The following DSCAML1 variants were observed in gnomAD, a reference collection of about 807,000 sequenced individuals.
The protein encoded by DSCAML1 is DS cell adhesion molecule like 1, also known as cell adhesion molecule DSCAML1.
A neutral mutation model predicts 200.5 loss-of-function variants in DSCAML1; 38 were observed. That is an observed-to-expected ratio of 0.19 (90% CI 0.15 to 0.25). The LOEUF is 0.25. Among genes scored for constraint, DSCAML1 ranks in the 10% least tolerant of loss-of-function variants. DSCAML1 has a pLI of 1.00. For missense variants in DSCAML1, 2,223 were observed against 2,858.8 expected, an observed-to-expected ratio of 0.78 and a Z score of 5.07; for synonymous variants, 1,215 against 1,165.0, an observed-to-expected ratio of 1.04 and a Z score of -0.87.
chr11:117,490,025 A>G lies in DSCAML1; in HGVS notation c.2360-7863T>C, dbSNP rs75807230. ...GAGCCTTGCTGGGCCACTGGGGCTC[A>G]GGAAGCTGCCTTATAACCATGCGGA... is the stretch of plus-strand genomic sequence containing the variant. On this transcript the variant is annotated intron_variant, in intron 11 of 32. Coordinates refer to ENST00000651296, the MANE Select transcript of DSCAML1 (RefSeq NM_020693.4). Among the ~76,000 whole-genome samples, 923 of 152,336 alleles carry G rather than the reference A, an allele frequency of 6.1e-3. 10 individuals carry two copies. Among genetic ancestry groups the G allele is most frequent in the African/African-American group, 0.02 (821 of 41,576 alleles).
chr11:117,528,940 C>T (rs574294990), intron 4 of DSCAML1, among the ~76,000 whole-genome samples: 7 of 151,594 alleles, frequency 4.6e-5, no homozygotes, highest in South Asian at 2.1e-4. Context: ...CCGCCCCCCC[C>T]CTTGGGAATG....
At chr11:117,686,319 T>G (rs2053400276) in intron 3 of DSCAML1, among the ~76,000 whole-genome samples, 1 of 152,228 alleles carries the variant, frequency 6.6e-6, no homozygotes, top group Non-Finnish European at 1.5e-5. Context: ...CTGTTGAGTC[T>G]CAGGTGGGAT....
At chr11:117,716,028 T>C (rs2053946328) in intron 3 of DSCAML1, among the ~76,000 whole-genome samples, 1 of 152,222 alleles carries the variant, frequency 6.6e-6, no homozygotes, top group African/African-American at 2.4e-5. Context: ...CCAGCAGCAT[T>C]AGCAGCGATT....
chr11:117,545,232 A>C (rs1049371356), intron 3 of DSCAML1, among the ~76,000 whole-genome samples: 18 of 149,310 alleles, frequency 1.2e-4, no homozygotes, highest in South Asian at 6.4e-4. Context: ...TCCGTAAAAA[A>C]AAACACACAC....
intron 3 of DSCAML1, among the ~76,000 whole-genome samples, chr11:117,604,347 T>G (rs1056546419): frequency 6.6e-6 from 1 of 151,598 alleles, no homozygotes; most frequent in Non-Finnish European, 1.5e-5. Flanking sequence ...TCATGTTTTC[T>G]GAGATGATTG....
chr11:117,646,843 G>C (rs2052531066), intron 3 of DSCAML1, among the ~76,000 whole-genome samples: 1 of 149,172 alleles, frequency 6.7e-6, no homozygotes, highest in South Asian at 2.1e-4. Context: ...AGGTCTCCTA[G>C]AGAGAGAGAG....
intron 14 of DSCAML1, among the ~76,000 whole-genome samples, chr11:117,477,549 A>G (rs2048823106): frequency 6.6e-6 from 1 of 152,132 alleles, no homozygotes; most frequent in African/African-American, 2.4e-5. Flanking sequence ...ACTGACAGAC[A>G]CATATATTTC....
intron 3 of DSCAML1, among the ~76,000 whole-genome samples, chr11:117,648,208 G>T (rs1385606426): frequency 1.3e-5 from 2 of 152,176 alleles, no homozygotes. Flanking sequence ...AAGCAGACCT[G>T]GTTTTTCTGC....
chr11:117,457,757 T>G (rs1011959309), intron 19 of DSCAML1, among the ~76,000 whole-genome samples: 23 of 151,968 alleles, frequency 1.5e-4, no homozygotes, highest in Admixed American at 4.6e-4. Context: ...CCCAGCCGAG[T>G]CGTTCCTTTT....
intron 3 of DSCAML1, among the ~76,000 whole-genome samples, chr11:117,607,369 G>A (rs1172908639): frequency 1.3e-5 from 2 of 149,408 alleles, no homozygotes; most frequent in Non-Finnish European, 3.0e-5. Flanking sequence ...CTATGTGTAG[G>A]TCTAGTGTTC....
chr11:117,733,178 A>G (rs555686916), intron 3 of DSCAML1, among the ~76,000 whole-genome samples: 16 of 152,126 alleles, frequency 1.1e-4, no homozygotes, highest in Non-Finnish European at 1.6e-4. Flanking sequence ...GTGGCCCTGC[A>G]CATCCCGGAA....
chr11:117,810,280 G>T (rs978095336), intron 1 of DSCAML1, among the ~76,000 whole-genome samples: 1 of 152,140 alleles, frequency 6.6e-6, no homozygotes, highest in African/African-American at 2.4e-5. Flanking sequence ...CCCTCTGGGG[G>T]AGGGGCAAGT....
intron 3 of DSCAML1, among the ~76,000 whole-genome samples, chr11:117,586,560 C>T (rs898063185): frequency 5.9e-5 from 9 of 152,174 alleles, no homozygotes; most frequent in African/African-American, 2.2e-4. Context: ...CTCAAGTTAT[C>T]CAGTTCCTCC....
At chr11:117,630,346 C>T (rs55989633) in intron 3 of DSCAML1, among the ~76,000 whole-genome samples, 97 of 152,264 alleles carry the variant, frequency 6.4e-4, no homozygotes, top group Non-Finnish European at 1.0e-3. Context: ...GTGGGCCCAA[C>T]ACACACAACA....
chr11:117,473,938 A>G (rs1023215817), intron 14 of DSCAML1, among the ~76,000 whole-genome samples: 9 of 152,088 alleles, frequency 5.9e-5, no homozygotes, highest in African/African-American at 1.9e-4. Context: ...TCTCTGTGGC[A>G]TCCTGGGAGC....
intron 3 of DSCAML1, among the ~76,000 whole-genome samples, chr11:117,775,910 C>T (rs139980101): frequency 7.2e-5 from 11 of 152,292 alleles, no homozygotes; most frequent in African/African-American, 2.6e-4. Flanking sequence ...GACCTTAATG[C>T]TGAAAGGGCA....
At chr11:117,457,372 T>C (rs142547640) in intron 19 of DSCAML1, among the ~76,000 whole-genome samples, 80 of 152,234 alleles carry the variant, frequency 5.3e-4, no homozygotes, top group African/African-American at 1.7e-3. Flanking sequence ...GAGGTGCTTA[T>C]AGCTCAGGCC....
rs2047950380 is a variant in DSCAML1, at chr11:117,437,789, ACCCCTCCTTC to A, written c.4432+96_4432+105del. On this transcript the variant is annotated intron_variant, in intron 25 of 32. Coordinates refer to ENST00000651296, the MANE Select transcript of DSCAML1 (RefSeq NM_020693.4). This position sits in a 1 kb window ranked among gnomAD's most constrained non-coding sequence, Gnocchi z 5.3. ...CCCTTCAGTCTCCCTGCATCCCTGG[ACCCCTCCTTC>A]CCCACCCCAGCCACCTTACACCCCA... 8.4e-7 allele frequency: 1 copy of A among 1,197,442 alleles called. No homozygotes were observed. The highest frequency in any genetic ancestry group is 1.1e-6 in the Non-Finnish European group (1 of 880,160). The allele number at this position is 1,197,442 out of a possible 1,614,324, so 74.2% of individuals were successfully genotyped here.
At position 117,682,908 on chromosome 11, in the gene DSCAML1, G is replaced by A. The variant is rs535058945; in HGVS notation, c.511+93883C>T. Among the ~76,000 whole-genome samples the A allele has an allele frequency of 3.9e-4, 60 of 152,314 alleles. No homozygotes were observed. The South Asian group carries it at 0.012, about 32-fold the overall frequency. On this transcript the variant is annotated intron_variant, in intron 3 of 32. Coordinates refer to ENST00000651296, the MANE Select transcript of DSCAML1 (RefSeq NM_020693.4). ...AAACTGAGGCCCGAAGAGACCAGGT[G>A]ACTTGTCCAAGATCACATTGTTATT...
Sources: allele counts gnomAD v4.1 joint callset (sites outside exome capture counted in the v4.1 genomes callset), GRCh38; gene constraint gnomAD v4.1.1; non-coding constraint Gnocchi (gnomAD v3.1); transcripts MANE v1.5; gene names NCBI Gene and HGNC (gene_info 2026-07-23, HGNC 2026-07-21).